Variants in SHROOM3 observed in about 807,000 individuals in gnomAD.
SHROOM3 encodes shroom family member 3, also known as protein Shroom3.
SHROOM3 carries 47 observed loss-of-function variants against 138.6 expected under a neutral mutation model. The observed-to-expected ratio is 0.34, with a 90% confidence interval of 0.27 to 0.43. The LOEUF (loss-of-function observed/expected upper bound fraction) is 0.43, where lower values mean the gene tolerates loss of function less well. SHROOM3 is among the 20% of genes least tolerant of loss of function. The probability of loss-of-function intolerance (pLI) is 1.00; values close to 1 mark genes in which losing one functional copy is unlikely to be tolerated. For missense variants in SHROOM3, 2,491 were observed against 2,596.5 expected (o/e 0.96, Z 0.88); for synonymous variants, 1,062 against 1,063.3 (o/e 1.00, Z 0.02).
In SHROOM3 at chr4:76,740,842, G is replaced by C. The variant is rs376293650; in HGVS notation, c.2669G>C (p.Ser890Thr). The C allele has an allele frequency of 6.3e-7, 1 of 1,579,434 alleles. No homozygotes were observed. The highest frequency in any genetic ancestry group is 1.4e-5 in the African/African-American group (1 of 73,738). ...RPDARLLRSQ[S>T]TFQLSSEPER... Reference sequence around the variant, plus strand: ...GACGCTCGGCTCCTCCGTAGCCAGAGCACCTTCCAGCTCTCCAGCGAGCCA... The same window carrying C: ...GACGCTCGGCTCCTCCGTAGCCAGACCACCTTCCAGCTCTCCAGCGAGCCA... The change falls in exon 5 of 11, where the codon AGC becomes ACC. Residue 890 changes from serine to threonine, a missense_variant. Physicochemically the swap from Ser to Thr is moderately conservative, Grantham distance 58 (BLOSUM62 1). Around this residue, in one of 4 missense-constraint regions of SHROOM3, gnomAD observed 1,733 missense variants for 1,661.6 expected, o/e 1.04. Coordinates refer to ENST00000296043, the MANE Select transcript of SHROOM3 (RefSeq NM_020859.4). This position sits in a 1 kb window ranked among gnomAD's most constrained non-coding sequence, Gnocchi z 4.0.
At chr4:76,571,288 A>T (rs1379557101) in intron 2 of SHROOM3, among the ~76,000 whole-genome samples, 1 of 152,262 alleles carries the variant, frequency 6.6e-6, no homozygotes, top group Non-Finnish European at 1.5e-5. Context: ...CCAAGCTTTT[A>T]CATCAGTAAA....
chr4:76,471,184 G>A (rs529910003), intron 1 of SHROOM3, among the ~76,000 whole-genome samples: 1 of 151,980 alleles, frequency 6.6e-6, no homozygotes, highest in South Asian at 2.1e-4. Flanking sequence ...GTCTTTTTAT[G>A]GAATTGCCTA....
intron 1 of SHROOM3, 37 bp downstream of exon 1, chr4:76,436,257 T>C: frequency 6.2e-7 from 1 of 1,611,750 alleles, no homozygotes; most frequent in Non-Finnish European, 8.5e-7. Flanking sequence ...TTATTCAAAT[T>C]GTTTTTTTCA....
intron 1 of SHROOM3, among the ~76,000 whole-genome samples, chr4:76,478,718 A>G (rs1311930784): frequency 6.6e-6 from 1 of 152,148 alleles, no homozygotes; most frequent in Non-Finnish European, 1.5e-5. Flanking sequence ...CAGACACCTC[A>G]TATAGGAGAG....
At chr4:76,778,163 T>C (rs1277413774) in intron 10 of SHROOM3, among the ~76,000 whole-genome samples, 1 of 151,990 alleles carries the variant, frequency 6.6e-6, no homozygotes, top group African/African-American at 2.4e-5. Flanking sequence ...CTGCTGCTGG[T>C]CCAGCAACCA....
chr4:76,474,021 CA>C (rs1560517069), intron 1 of SHROOM3, among the ~76,000 whole-genome samples: 1 of 151,372 alleles, frequency 6.6e-6, no homozygotes, highest in Non-Finnish European at 1.5e-5. Flanking sequence ...ATGTTTATAG[CA>C]ATAACAAAAA....
In SHROOM3 at chr4:76,779,504, C is replaced by T. The variant is rs902688251; in HGVS notation, c.*327C>T. The T allele has an allele frequency of 1.4e-5, 4 of 276,734 alleles. No homozygotes were observed. Among genetic ancestry groups the T allele is most frequent in the African/African-American group, 8.9e-5 (4 of 44,792 alleles). 17.1% of individuals were successfully genotyped at this position (276,734 alleles called of 1,614,324 possible). A position where few individuals can be genotyped will look rare whatever the true frequency, so the allele number is the denominator to read the frequency against. On this transcript the variant is annotated 3_prime_UTR_variant, in exon 11 of 11. Coordinates refer to ENST00000296043, the MANE Select transcript of SHROOM3 (RefSeq NM_020859.4). ...GAGGCAACATGGATCAGTGTGTGTC[C>T]CCCTCAGGAATGTATCCACAGTGGC...
intron 3 of SHROOM3, among the ~76,000 whole-genome samples, chr4:76,712,115 AAT>A (rs1365903566): frequency 6.6e-6 from 1 of 152,202 alleles, no homozygotes; most frequent in Non-Finnish European, 1.5e-5. Flanking sequence ...AGGCTAATCT[AAT>A]GTCAGTGCCA....
intron 1 of SHROOM3, among the ~76,000 whole-genome samples, chr4:76,538,178 C>G (rs556556550): frequency 7.2e-5 from 11 of 152,174 alleles, no homozygotes; most frequent in African/African-American, 2.2e-4. Context: ...GGATTACAGG[C>G]GTGAGCCACT....
chr4:76,565,760 C>G (rs1204757306), intron 2 of SHROOM3, among the ~76,000 whole-genome samples: 3 of 152,152 alleles, frequency 2.0e-5, no homozygotes, highest in Non-Finnish European at 2.9e-5. Context: ...ACCTCCAAGT[C>G]CAGCCTCAGA....
chr4:76,564,909 C>T (rs529842261), intron 2 of SHROOM3, among the ~76,000 whole-genome samples: 2 of 151,926 alleles, frequency 1.3e-5, no homozygotes, highest in East Asian at 3.9e-4. Context: ...TGCCTGTAAT[C>T]CCAGCACTTT....
chr4:76,728,770 G>A (rs1469633862), intron 3 of SHROOM3, among the ~76,000 whole-genome samples: 2 of 152,176 alleles, frequency 1.3e-5, no homozygotes, highest in Non-Finnish European at 2.9e-5. Flanking sequence ...CACAGCCACT[G>A]CTCTGATGGC....
At chr4:76,547,623 T>C (rs1283355097) in intron 1 of SHROOM3, among the ~76,000 whole-genome samples, 3 of 152,064 alleles carry the variant, frequency 2.0e-5, no homozygotes, top group Non-Finnish European at 2.9e-5. Context: ...ATAAGCAAGA[T>C]ACGTAAGTAA....
chr4:76,462,214 C>A (rs1443332662), intron 1 of SHROOM3, among the ~76,000 whole-genome samples: 2 of 152,010 alleles, frequency 1.3e-5, no homozygotes, highest in Non-Finnish European at 2.9e-5. Flanking sequence ...CATGGTGAAA[C>A]CCTGTCTCTA....
At chr4:76,688,812 G>T in intron 2 of SHROOM3, 2 of 985,342 alleles carry the variant, frequency 2.0e-6, no homozygotes, top group Non-Finnish European at 2.4e-6. Flanking sequence ...CACGTCTCTT[G>T]TCTAATCAGA....
chr4:76,532,802 T>TAC (rs1372656243), intron 1 of SHROOM3, among the ~76,000 whole-genome samples: 6 of 152,202 alleles, frequency 3.9e-5, no homozygotes, highest in African/African-American at 1.4e-4. Context: ...ATACTTTATG[T>TAC]ACGGTTTCTC....
chr4:76,439,651 C>A (rs1730629063), intron 1 of SHROOM3, among the ~76,000 whole-genome samples: 1 of 152,020 alleles, frequency 6.6e-6, no homozygotes, highest in Non-Finnish European at 1.5e-5. Flanking sequence ...TTAGGGTGAC[C>A]CTCCATTGTA....
At chr4:76,590,119 C>T (rs912156685) in intron 2 of SHROOM3, among the ~76,000 whole-genome samples, 4 of 152,154 alleles carry the variant, frequency 2.6e-5, no homozygotes, top group African/African-American at 9.7e-5. Flanking sequence ...TTAACTGGAT[C>T]ACTCTGTGAC....
intron 9 of SHROOM3, among the ~76,000 whole-genome samples, chr4:76,763,480 G>A (rs1352574410): frequency 6.6e-6 from 1 of 152,240 alleles, no homozygotes; most frequent in East Asian, 1.9e-4. Context: ...TGGGAGGATC[G>A]CTTGAGCCCG....
Sources: allele counts gnomAD v4.1 joint callset (sites outside exome capture counted in the v4.1 genomes callset), GRCh38; gene constraint gnomAD v4.1.1; regional missense constraint gnomAD v4.1.1; non-coding constraint Gnocchi (gnomAD v3.1); transcripts MANE v1.5; gene names NCBI Gene and HGNC (gene_info 2026-07-23, HGNC 2026-07-21).